The following CACNB2 variants were observed in gnomAD, a reference collection of about 807,000 sequenced individuals.
CACNB2 encodes voltage-dependent L-type calcium channel subunit beta-2.
In CACNB2, 42 loss-of-function variants were observed where a neutral mutation model predicts 73.3. That is an observed-to-expected ratio of 0.57 (90% CI 0.45 to 0.74). The LOEUF (loss-of-function observed/expected upper bound fraction) is 0.74. Ranked by LOEUF, CACNB2 falls within the 30% of genes least tolerant of loss-of-function variation. CACNB2 has a pLI of 0.00. For synonymous variants in CACNB2, 348 were observed against 310.3 expected (o/e 1.12, Z -1.28); for missense variants, 940 against 853.0 (o/e 1.10, Z -1.27).
chr10:18,520,185 A>G lies in CACNB2; in HGVS notation c.944+1217A>G, dbSNP rs1414788233. ...CAATTGCCTATTCATTATCACTACT[A>G]AGATGTCTAATGGACTTTTCAAATG... On this transcript the variant is annotated intron_variant, in intron 9 of 13. Transcript: ENST00000324631. 5 of 160,020 alleles carry G rather than the reference A, an allele frequency of 3.1e-5. No homozygotes were observed. The East Asian group carries it at 5.7e-4, about 18-fold the overall frequency. The allele number at this position is 160,020 out of a possible 1,614,324, so 9.9% of individuals were successfully genotyped here. A position where few individuals can be genotyped will look rare whatever the true frequency, so the allele number is the denominator to read the frequency against.
In CACNB2 at chr10:18,380,452, C is replaced by CTTTTTTT. The variant is rs757792853; in HGVS notation, c.214-21458_214-21452dup. ...TTGCTAACTTGAAACATGTGTTTTT[C>CTTTTTTT]TTTTTTTTTTTTTTTTTTTTGAGAT... On this transcript the variant is annotated intron_variant, in intron 2 of 13. Coordinates refer to ENST00000324631, the MANE Select transcript of CACNB2 (RefSeq NM_201596.3). 1.4e-4 allele frequency among the ~76,000 whole-genome samples: 16 copies of CTTTTTTT among 111,028 alleles called. 1 individual carries two copies. The highest frequency in any genetic ancestry group is 1.7e-4 in the African/African-American group (5 of 29,420). The allele number at this position is 111,028 out of a possible 152,430, so 72.8% of individuals were successfully genotyped here. A position where few individuals can be genotyped will look rare whatever the true frequency, so the allele number is the denominator to read the frequency against.
At chr10:18,363,892 T>C (rs1414557329) in intron 2 of CACNB2, among the ~76,000 whole-genome samples, 1 of 151,910 alleles carries the variant, frequency 6.6e-6, no homozygotes, top group Admixed American at 6.6e-5. Flanking sequence ...AAAATGTTAA[T>C]ACTGGCAATA....
intron 2 of CACNB2, among the ~76,000 whole-genome samples, chr10:18,349,658 G>A (rs900450435): frequency 2.6e-5 from 4 of 151,954 alleles, no homozygotes; most frequent in African/African-American, 9.7e-5. Flanking sequence ...GTGGTTTCCA[G>A]GGGCTGGGAG....
rs200757952 is a variant in CACNB2 at position 18,381,688 on chromosome 10, C to CA, written c.214-20218dup. ...GGGCAACATGAGTGAGACTCCGTCTCAAAAAAAAAAAAAAAAAAGGTTCAT... is the reference window on the plus strand; with the variant it reads ...GGGCAACATGAGTGAGACTCCGTCTCAAAAAAAAAAAAAAAAAAAGGTTCAT... On this transcript the variant is annotated intron_variant, in intron 2 of 13. Coordinates refer to ENST00000324631, the MANE Select transcript of CACNB2 (RefSeq NM_201596.3). Among the ~76,000 whole-genome samples the CA allele has an allele frequency of 4.5e-3, 351 of 77,820 alleles. 3 individuals carry two copies. The highest frequency in any genetic ancestry group is 0.015 in the Middle Eastern group (2 of 130). The allele number at this position is 77,820 out of a possible 152,430, so 51.1% of individuals were successfully genotyped here. A position where few individuals can be genotyped will look rare whatever the true frequency, so the allele number is the denominator to read the frequency against.
intron 3 of CACNB2, among the ~76,000 whole-genome samples, chr10:18,485,190 A>G (rs1171433464): frequency 5.9e-5 from 9 of 152,188 alleles, no homozygotes; most frequent in African/African-American, 1.9e-4. Context: ...ACTTTTGCCC[A>G]TATATAAAGA....
chr10:18,275,564 A>G (rs747963726), intron 2 of CACNB2, among the ~76,000 whole-genome samples: 5 of 152,192 alleles, frequency 3.3e-5, no homozygotes, highest in Non-Finnish European at 7.3e-5. Context: ...ACGTTTACCT[A>G]TGTAATGAAC....
chr10:18,182,574 C>A (rs954152277), intron 2 of CACNB2, among the ~76,000 whole-genome samples: 4 of 151,194 alleles, frequency 2.6e-5, no homozygotes, highest in Middle Eastern at 3.5e-3. Context: ...GTAATCCCAG[C>A]ACTTTGGGAG....
intron 3 of CACNB2, among the ~76,000 whole-genome samples, chr10:18,497,994 T>A (rs951894827): frequency 2.0e-5 from 3 of 152,236 alleles, no homozygotes; most frequent in Non-Finnish European, 4.4e-5. Flanking sequence ...CTAAGTCCTT[T>A]CCACTGAAAC....
At chr10:18,385,513 G>C (rs984471394) in intron 2 of CACNB2, among the ~76,000 whole-genome samples, 4 of 151,456 alleles carry the variant, frequency 2.6e-5, no homozygotes, top group Admixed American at 2.6e-4. Context: ...TCTAATCCCA[G>C]CTACTAGGGA....
chr10:18,481,134 C>G (rs11592112), intron 3 of CACNB2, among the ~76,000 whole-genome samples: 17,279 of 137,238 alleles, frequency 0.13, 1,240 homozygotes, highest in Admixed American at 0.19. Context: ...GGCAGACACA[C>G]CCAGTGCAGA....
chr10:18,491,948 G>T (rs975128455), intron 3 of CACNB2, among the ~76,000 whole-genome samples: 8 of 151,326 alleles, frequency 5.3e-5, no homozygotes, highest in African/African-American at 1.9e-4. Flanking sequence ...ACCTGAGACT[G>T]AGTAGTTTAT....
chr10:18,141,067 T>G, intron 1 of CACNB2: 1 of 1,547,742 alleles, frequency 6.5e-7, no homozygotes, highest in Non-Finnish European at 8.7e-7. Context: ...TTTCTCTGCT[T>G]CCGAAAAGCC....
intron 2 of CACNB2, among the ~76,000 whole-genome samples, chr10:18,385,371 C>G (rs896177376): frequency 7.1e-5 from 7 of 99,058 alleles, no homozygotes; most frequent in East Asian, 1.8e-3. Context: ...AATACCCCCC[C>G]CCCTCGCCCC....
chr10:18,433,797 C>A (rs534167154), intron 3 of CACNB2, among the ~76,000 whole-genome samples: 1 of 152,066 alleles, frequency 6.6e-6, no homozygotes, highest in South Asian at 2.1e-4. Flanking sequence ...GAACAGTAAA[C>A]GTGTTATGGC....
At chr10:18,374,754 A>C (rs549308923) in intron 2 of CACNB2, among the ~76,000 whole-genome samples, 1 of 152,260 alleles carries the variant, frequency 6.6e-6, no homozygotes, top group African/African-American at 2.4e-5. Context: ...ACTAAATGCC[A>C]CTTTCCTTAT....
intron 2 of CACNB2, among the ~76,000 whole-genome samples, chr10:18,304,658 C>A (rs1314275282): frequency 6.6e-6 from 1 of 152,172 alleles, no homozygotes; most frequent in African/African-American, 2.4e-5. Flanking sequence ...CTTGACTTTG[C>A]CTGCCGCTGC....
chr10:18,333,358 G>C (rs1277630693), intron 2 of CACNB2, among the ~76,000 whole-genome samples: 1 of 151,780 alleles, frequency 6.6e-6, no homozygotes, highest in East Asian at 1.9e-4. Flanking sequence ...ACAACTACTT[G>C]CCTTAAATAG....
intron 2 of CACNB2, among the ~76,000 whole-genome samples, chr10:18,191,426 A>C (rs954767100): frequency 6.6e-6 from 1 of 152,028 alleles, no homozygotes; most frequent in African/African-American, 2.4e-5. Context: ...ACACCTGTAC[A>C]TCTAGTTTTT....
intron 3 of CACNB2, among the ~76,000 whole-genome samples, chr10:18,404,353 A>C (rs935460554): frequency 2.6e-5 from 4 of 152,152 alleles, no homozygotes; most frequent in Non-Finnish European, 5.9e-5. Flanking sequence ...GGATTGTAGA[A>C]GGCTAGTTCC....
Sources: gnomAD v4.1 joint callset for allele counts (sites outside exome capture counted in the v4.1 genomes callset) on GRCh38, gnomAD v4.1.1 for gene constraint, MANE v1.5 for transcripts, NCBI Gene and HGNC (gene_info 2026-07-23, HGNC 2026-07-21) for gene names.